Variants in ARFGAP2 observed in about 807,000 individuals in gnomAD.
ARFGAP2 encodes the protein ADP-ribosylation factor GTPase-activating protein 2.
A neutral mutation model predicts 71.9 loss-of-function variants in ARFGAP2; 45 were observed. The observed-to-expected ratio is 0.63, with a 90% CI of 0.49 to 0.80. ARFGAP2 has a LOEUF of 0.80. ARFGAP2 is among the 30% of genes least tolerant of loss of function. The probability of loss-of-function intolerance (pLI) is 0.00; values close to 1 mark genes in which losing one functional copy is unlikely to be tolerated. For synonymous variants in ARFGAP2, 248 were observed against 249.2 expected (o/e 1.00, Z 0.05); for missense variants, 633 against 673.9 (o/e 0.94, Z 0.67).
intron 3 of ARFGAP2, 47 bp from the exon 4 acceptor site, chr11:47,175,360 G>A (rs1367495721): frequency 2.5e-5 from 40 of 1,613,346 alleles, no homozygotes; most frequent in Middle Eastern, 1.6e-4. Flanking sequence ...TGATTCTCAA[G>A]AAGGAAACGT....
In ARFGAP2 at chr11:47,175,318, A is replaced by C. The variant is rs201515677; in HGVS notation, c.265-5T>G. 2.4e-4 allele frequency: 390 copies of C among 1,614,086 alleles called. 1 individual carries two copies. The Middle Eastern group carries it at 3.1e-3, about 13-fold the overall frequency. ...ATGTTGGCGAAAAAAAGCCGTCTGG[A>C]GAGCAAAGAAGAGAGCAGCGCGTGC... On this transcript the variant is annotated splice_region_variant and splice_polypyrimidine_tract_variant and intron_variant, in intron 3 of 15. Coordinates refer to ENST00000524782, the MANE Select transcript of ARFGAP2 (RefSeq NM_032389.6).
intron 1 of ARFGAP2, 31 bp downstream of exon 1, chr11:47,176,751 G>A (rs532746836): frequency 2.2e-5 from 36 of 1,613,542 alleles, no homozygotes; most frequent in East Asian, 1.3e-4. Context: ...CCAGCGGGAC[G>A]AGAGACTCCG....
At position 47,175,019 on chromosome 11, in the gene ARFGAP2, G is replaced by A. The variant is rs1952743646; in HGVS notation, c.476C>T (p.Thr159Ile). ...KKDSDFFTEH[T>I]QPPAWDAPAT... ...CGGTTCCTTGTGGGCACTCACTTGA[G>A]TGTGTTCTGTGAAGAAATCAGAGTC... Residue 159 changes from threonine (T) to isoleucine (I), a missense_variant, in exon 5 of 16, where the codon ACT becomes ATT. Coordinates refer to ENST00000524782, the MANE Select transcript of ARFGAP2 (RefSeq NM_032389.6). The A allele has an allele frequency of 5.0e-6, 8 of 1,614,066 alleles. No individual in the cohort carries two copies. In the South Asian group the frequency reaches 5.5e-5, roughly 11 times the overall value.
At chr11:47,170,323 CAAAAAAAAAA>C (rs34843394) in intron 10 of ARFGAP2, among the ~76,000 whole-genome samples, 5 of 73,952 alleles carry the variant, frequency 6.8e-5, no homozygotes, top group African/African-American at 2.2e-4. Context: ...GACTCCATCT[CAAAAAAAAAA>C]AAAAAAAAAA....
At chr11:47,171,848 G>A (rs931001868) in intron 8 of ARFGAP2, 48 bp from the exon 9 acceptor site, 1 of 1,605,152 alleles carries the variant, frequency 6.2e-7, no homozygotes, top group African/African-American at 1.3e-5. Flanking sequence ...ACTCTCCTCA[G>A]ATCCCTCCCA....
In ARFGAP2 at chr11:47,175,168, G is replaced by A. The variant is rs376831277; in HGVS notation, c.396+14C>T. 8.7e-6 allele frequency: 14 copies of A among 1,613,932 alleles called. No individual in the cohort carries two copies. Among genetic ancestry groups the A allele is most frequent in the Non-Finnish European group, 1.1e-5 (13 of 1,179,966 alleles). On this transcript the variant is annotated intron_variant, in intron 4 of 15. Coordinates refer to ENST00000524782, the MANE Select transcript of ARFGAP2 (RefSeq NM_032389.6). Reference sequence around the variant, plus strand: ...CCTAACCCTCCTGCCCCAGCCCCAAGAACAGGCACTTACATCAGTGCCATG... The same window carrying A: ...CCTAACCCTCCTGCCCCAGCCCCAAAAACAGGCACTTACATCAGTGCCATG...
intron 10 of ARFGAP2, among the ~76,000 whole-genome samples, chr11:47,169,080 G>A (rs567799406): frequency 2.3e-3 from 354 of 151,572 alleles, no homozygotes; most frequent in African/African-American, 8.0e-3. Context: ...TTGGGAGGCC[G>A]AGGCGGGCAG....
chr11:47,173,487 G>A lies in ARFGAP2; in HGVS notation c.563-5C>T, dbSNP rs1229515324. 4.5e-6 allele frequency: 7 copies of A among 1,554,480 alleles called. No homozygotes were observed. In the South Asian group the frequency reaches 4.7e-5, roughly 11 times the overall value. On this transcript the variant is annotated splice_region_variant and splice_polypyrimidine_tract_variant and intron_variant, in intron 6 of 15. Transcript: ENST00000524782. Reference sequence around the variant, plus strand: ...TGTTGGGGCCATGCTCCGGCTCTGTGGATGCAATGGTAGGAGTTAGAGATG... The same window carrying A: ...TGTTGGGGCCATGCTCCGGCTCTGTAGATGCAATGGTAGGAGTTAGAGATG...
chr11:47,172,530 C>G (rs192611602), intron 7 of ARFGAP2, among the ~76,000 whole-genome samples, 197 bp from the exon 8 acceptor site: 2 of 152,330 alleles, frequency 1.3e-5, no homozygotes, highest in South Asian at 2.1e-4. Flanking sequence ...TGGCACCCAG[C>G]AGAGTGAGAC....
At position 47,175,987 on chromosome 11, in the gene ARFGAP2, A is replaced by G. The variant is rs555052425; in HGVS notation, c.192-64T>C. 4.8e-5 allele frequency: 75 copies of G among 1,569,174 alleles called. No individual in the cohort carries two copies. In the Middle Eastern group the frequency reaches 1.4e-3, roughly 29 times the overall value. ...CAGCAGGATTTCCCTGGCAACCCGG[A>G]TACCTGTCACTTGGCCTCAGGCTGC... On this transcript the variant is annotated intron_variant, in intron 2 of 15. Coordinates refer to ENST00000524782, the MANE Select transcript of ARFGAP2 (RefSeq NM_032389.6).
At position 47,172,324 on chromosome 11, in the gene ARFGAP2, C is replaced by G. The variant is rs1952634215; in HGVS notation, c.629G>C (p.Ser210Thr). 1 of 1,614,034 alleles carries G rather than the reference C, an allele frequency of 6.2e-7. No individual in the cohort carries two copies. Among genetic ancestry groups the G allele is most frequent in the African/African-American group, 1.3e-5 (1 of 74,904 alleles). The change falls in exon 8 of 16, where the codon AGC becomes ACC. Residue 210 changes from serine to threonine, a missense_variant. Coordinates refer to ENST00000524782, the MANE Select transcript of ARFGAP2 (RefSeq NM_032389.6). The stretch of plus-strand genomic sequence containing the variant: ...TGGCTTCTTCTTGCCAATGATGGAG[C>G]TTTTCAGTTCTGCGTGAGAAACGGG... ...TSPKASLELK[S>T]SIIGKKKPAA...
Position 47,164,859 on chromosome 11 carries a change from G to A in ARFGAP2, c.*623C>T, listed in dbSNP as rs1218603317. ...GGTGGTGAGACGGGAGAACCCAAGGGTCTCCGGTCTGATCCCAAATGAAAC... is the reference window on the plus strand; with the variant it reads ...GGTGGTGAGACGGGAGAACCCAAGGATCTCCGGTCTGATCCCAAATGAAAC... On this transcript the variant is annotated 3_prime_UTR_variant, in exon 16 of 16. Coordinates refer to ENST00000524782, the MANE Select transcript of ARFGAP2 (RefSeq NM_032389.6). The A allele has an allele frequency of 3.9e-5, 6 of 152,380 alleles. No individual in the cohort carries two copies. Among genetic ancestry groups the A allele is most frequent in the Admixed American group, 3.9e-4 (6 of 15,274 alleles). The allele number at this position is 152,380 out of a possible 1,614,324, so 9.4% of individuals were successfully genotyped here. A position where few individuals can be genotyped will look rare whatever the true frequency, so the allele number is the denominator to read the frequency against.
rs1952609750 is a variant in ARFGAP2 at position 47,171,720 on chromosome 11, T to G, written c.753A>C (p.Ala251=). Residue 251 remains alanine (A), a synonymous_variant, in exon 9 of 16, where the codon GCA becomes GCC. Transcript: ENST00000524782. The part of the protein sequence containing the change: ...FSEIERQAQV[A]EKLREQQAAD... ...CTGCCTGCTGCTCACGGAGCTTCTC[T>G]GCCACCTGAGCCTGCCGCTCAATCT... is the stretch of plus-strand genomic sequence containing the variant. 6.2e-7 allele frequency: 1 copy of G among 1,613,956 alleles called. No individual in the cohort carries two copies. The highest frequency in any genetic ancestry group is 8.5e-7 in the Non-Finnish European group (1 of 1,180,046).
intron 5 of ARFGAP2, chr11:47,174,514 G>A (rs200411982): frequency 1.3e-5 from 2 of 158,626 alleles, no homozygotes; most frequent in East Asian, 3.6e-4. Flanking sequence ...TCCTGCCTCA[G>A]CCTCCCAAGT....
chr11:47,166,748 A>G lies in ARFGAP2; in HGVS notation c.1332+12T>C. 6.2e-7 allele frequency: 1 copy of G among 1,611,964 alleles called. No individual in the cohort carries two copies. ...TGCTGCCTCGGACCTCAGGGCAGAC[A>G]GCCCCACTTACCTCTGCATCCACCT... On this transcript the variant is annotated intron_variant, in intron 13 of 15. Transcript: ENST00000524782.
chr11:47,168,120 T>C lies in ARFGAP2; in HGVS notation c.1070+3A>G. The C allele has an allele frequency of 1.2e-6, 2 of 1,614,206 alleles. No individual in the cohort carries two copies. The highest frequency in any genetic ancestry group is 1.7e-6 in the Non-Finnish European group (2 of 1,180,036). ...CAAGTTTACAGCTAGAAAACAGCCT[T>C]ACTTTGGGGGTCCAGAGGCGAAAGT... On this transcript the variant is annotated splice_donor_region_variant and intron_variant, in intron 11 of 15. Transcript: ENST00000524782.
At chr11:47,173,871 G>A (rs765831226) in intron 5 of ARFGAP2, 31 bp from the exon 6 acceptor site, 19 of 1,571,866 alleles carry the variant, frequency 1.2e-5, no homozygotes, top group East Asian at 4.7e-5. Flanking sequence ...CAGATGCCTC[G>A]GTGAGCCACT....
chr11:47,174,007 G>T, intron 5 of ARFGAP2, 167 bp from the exon 6 acceptor site: 2 of 1,357,278 alleles, frequency 1.5e-6, no homozygotes, highest in Non-Finnish European at 2.0e-6. Context: ...GTGGAAGAAA[G>T]CAGGAAGACA....
intron 3 of ARFGAP2, 61 bp from the exon 4 acceptor site, chr11:47,175,374 G>A (rs1470658514): frequency 6.2e-7 from 1 of 1,611,176 alleles, no homozygotes; most frequent in Non-Finnish European, 8.5e-7. Context: ...GAAACGTGTT[G>A]GCTGTAGGAG....
Sources: gnomAD v4.1 joint callset for allele counts (sites outside exome capture counted in the v4.1 genomes callset) on GRCh38, gnomAD v4.1.1 for gene constraint, MANE v1.5 for transcripts, NCBI Gene and HGNC (gene_info 2026-07-23, HGNC 2026-07-21) for gene names.